The following GRXCR2 variants were observed in gnomAD, a reference collection of about 807,000 sequenced individuals.
The protein encoded by GRXCR2 is glutaredoxin domain-containing cysteine-rich protein 2.
In GRXCR2, 23 loss-of-function variants were observed where a neutral mutation model predicts 24.8. The ratio of observed to expected loss-of-function variants is 0.93; its 90% CI spans 0.67 to 1.32. The LOEUF (loss-of-function observed/expected upper bound fraction) is 1.32, where lower values mean the gene tolerates loss of function less well. GRXCR2 is among the 40% of genes most tolerant of loss of function. GRXCR2 has a pLI of 0.00. For synonymous variants in GRXCR2, 130 were observed against 116.1 expected, an observed-to-expected ratio of 1.12 and a Z score of -0.77; for missense variants, 315 against 303.4, an observed-to-expected ratio of 1.04 and a Z score of -0.28.
At chr5:145,897,671 CAA>C (rs1756969776) in intron 2 of GRXCR2, among the ~76,000 whole-genome samples, 1 of 152,156 alleles carries the variant, frequency 6.6e-6, no homozygotes, top group African/African-American at 2.4e-5. Context: ...GAAGATATCT[CAA>C]AACCACATAA....
rs1756550482 is a variant in GRXCR2, at chr5:145,872,647, C to T, written c.322G>A (p.Ala108Thr). The T allele has an allele frequency of 1.9e-6, 3 of 1,602,730 alleles. No individual in the cohort carries two copies. Among genetic ancestry groups the T allele is most frequent in the Non-Finnish European group, 2.6e-6 (3 of 1,172,406 alleles). ...ACAATACCAACCTTATGGTCATTCG[C>T]CTTGTAATCGTTGAACCGAGGCTGG... The part of the protein sequence containing the change: ...GGQPRFNDYK[A>T]NDHKPLPIID... Residue 108 changes from alanine (A) to threonine (T), a missense_variant, in exon 1 of 3, where the codon GCG becomes ACG. Physicochemically the swap from Ala to Thr is moderately conservative, Grantham distance 58. Coordinates refer to ENST00000377976, the MANE Select transcript of GRXCR2 (RefSeq NM_001080516.2).
intron 2 of GRXCR2, among the ~76,000 whole-genome samples, chr5:145,894,745 T>A (rs1415852544): frequency 6.6e-6 from 1 of 151,974 alleles, no homozygotes; most frequent in African/African-American, 2.4e-5. Flanking sequence ...ACTATTCCAA[T>A]CAATAGAAAA....
intron 2 of GRXCR2, among the ~76,000 whole-genome samples, chr5:145,916,644 T>A (rs1031437255): frequency 1.3e-5 from 2 of 152,208 alleles, no homozygotes; most frequent in Non-Finnish European, 2.9e-5. Flanking sequence ...AATTCAACCT[T>A]ATACTTTTCA....
At chr5:145,924,226 A>C (rs1757361862) in intron 2 of GRXCR2, among the ~76,000 whole-genome samples, 1 of 152,218 alleles carries the variant, frequency 6.6e-6, no homozygotes, top group African/African-American at 2.4e-5. Flanking sequence ...CTAGCAAGGC[A>C]AATCTATTTT....
chr5:145,889,172 A>AAAAGAAAGAAAGAAACAAAGAAAGAAAG (rs1756821382), intron 2 of GRXCR2, among the ~76,000 whole-genome samples: 2 of 83,984 alleles, frequency 2.4e-5, no homozygotes, highest in Admixed American at 1.5e-4. Context: ...CTGTCTCAAA[A>AAAAGAAAGAAAGAAACAAAGAAAGAAAG]AAAGAAAGAA....
intron 2 of GRXCR2, among the ~76,000 whole-genome samples, chr5:145,931,492 C>A (rs1757477380): frequency 6.6e-6 from 1 of 152,212 alleles, no homozygotes; most frequent in Non-Finnish European, 1.5e-5. Flanking sequence ...AAAGTACACT[C>A]CTCACCTGCA....
upstream of GRXCR2, among the ~76,000 whole-genome samples, chr5:145,874,209 A>AT (rs1184224409): frequency 0.048 from 6,854 of 141,536 alleles, 392 homozygotes; most frequent in African/African-American, 0.14. Context: ...ATTTTATTTT[A>AT]TTTTTTTTTT....
intron 2 of GRXCR2, among the ~76,000 whole-genome samples, chr5:145,929,198 C>CATATATATATATATATATATATGT (rs1554107328): frequency 1.1e-5 from 1 of 88,422 alleles, no homozygotes; most frequent in Admixed American, 1.2e-4. Flanking sequence ...AATATTCCCC[C>CATATATATATATATATATATATGT]CTATATATAT....
At chr5:145,884,095 G>T (rs1756742577) in intron 2 of GRXCR2, among the ~76,000 whole-genome samples, 1 of 152,104 alleles carries the variant, frequency 6.6e-6, no homozygotes. Flanking sequence ...ATTACAGCAG[G>T]ACAGGAAGCA....
intron 2 of GRXCR2, among the ~76,000 whole-genome samples, chr5:145,918,777 T>A (rs1435943125): frequency 6.6e-6 from 1 of 152,182 alleles, no homozygotes; most frequent in East Asian, 1.9e-4. Flanking sequence ...TCTCCATTAA[T>A]ATTTACTGCC....
chr5:145,894,777 A>T (rs568113479), intron 2 of GRXCR2, among the ~76,000 whole-genome samples: 15 of 152,188 alleles, frequency 9.9e-5, no homozygotes, highest in Admixed American at 2.0e-4. Flanking sequence ...TCCCTAACTC[A>T]TTTTATGAGG....
chr5:145,921,893 C>T (rs1371805843), intron 2 of GRXCR2, among the ~76,000 whole-genome samples: 1 of 152,058 alleles, frequency 6.6e-6, no homozygotes, highest in East Asian at 1.9e-4. Flanking sequence ...AAATAAGTTG[C>T]TATTTATTTT....
At chr5:145,900,227 A>G (rs1757006309) in intron 2 of GRXCR2, among the ~76,000 whole-genome samples, 1 of 152,010 alleles carries the variant, frequency 6.6e-6, no homozygotes. Flanking sequence ...TTCTCCTGAT[A>G]GTGAGTTCTT....
At position 145,866,498 on chromosome 5, in the gene GRXCR2, C is replaced by T; in HGVS notation, c.564+3G>A. On this transcript the variant is annotated splice_donor_region_variant and intron_variant, in intron 2 of 2. Transcript: ENST00000377976. ...AGCAGGACAGTCAAGCTCCCCAACG[C>T]ACCTGTGTATACCGGTTTTGGGGTA... is the stretch of plus-strand genomic sequence containing the variant. 3 of 1,610,544 alleles carry T rather than the reference C, an allele frequency of 1.9e-6. No homozygotes were observed. The highest frequency in any genetic ancestry group is 2.5e-6 in the Non-Finnish European group (3 of 1,176,874).
upstream of GRXCR2, among the ~76,000 whole-genome samples, chr5:145,875,162 T>C (rs1035218029): frequency 3.3e-5 from 5 of 152,194 alleles, no homozygotes; most frequent in African/African-American, 7.2e-5. Flanking sequence ...CAGTACATAA[T>C]AGAACTCAGT....
chr5:145,884,179 T>G (rs1756743773), intron 2 of GRXCR2, among the ~76,000 whole-genome samples: 1 of 152,048 alleles, frequency 6.6e-6, no homozygotes, highest in African/African-American at 2.4e-5. Flanking sequence ...AGGTTTTGGT[T>G]TACAAGAAGT....
intron 2 of GRXCR2, among the ~76,000 whole-genome samples, chr5:145,892,910 C>T (rs139798515): frequency 0.014 from 2,083 of 152,266 alleles, 59 homozygotes; most frequent in African/African-American, 0.047. Flanking sequence ...CAAAGGGAAG[C>T]GCATCAGACT....
chr5:145,883,436 G>A (rs533300697), intron 2 of GRXCR2, among the ~76,000 whole-genome samples: 6 of 152,156 alleles, frequency 3.9e-5, no homozygotes, highest in African/African-American at 1.4e-4. Context: ...TTTTTACTTT[G>A]GCTAAATTCA....
At chr5:145,869,559 C>CTT (rs398038865) in intron 1 of GRXCR2, among the ~76,000 whole-genome samples, 20,238 of 137,442 alleles carry the variant, frequency 0.15, 2,241 homozygotes, top group African/African-American at 0.28. Context: ...CTCTCTCTCT[C>CTT]TTTTTTTTTT....
Sources: gnomAD v4.1 joint callset for allele counts (sites outside exome capture counted in the v4.1 genomes callset) on GRCh38, gnomAD v4.1.1 for gene constraint, MANE v1.5 for transcripts, NCBI Gene and HGNC (gene_info 2026-07-23, HGNC 2026-07-21) for gene names.